UBR4: variants seen among roughly 807,000 people sequenced by gnomAD.
UBR4 encodes E3 ubiquitin-protein ligase UBR4.
Under a neutral mutation model 575.6 loss-of-function variants are expected in UBR4, and 124 were observed. That is an observed-to-expected ratio of 0.22 (90% CI 0.19 to 0.25). The LOEUF (loss-of-function observed/expected upper bound fraction) is 0.25. Ranked by LOEUF, UBR4 falls within the 10% of genes least tolerant of loss-of-function variation. The pLI is 1.00. For missense variants in UBR4, 4,818 were observed against 6,478.8 expected, an observed-to-expected ratio of 0.74 and a Z score of 8.80; for synonymous variants, 2,455 against 2,473.7, an observed-to-expected ratio of 0.99 and a Z score of 0.22.
intron 19 of UBR4, 93 bp from the exon 20 acceptor site, chr1:19,176,820 T>G: frequency 7.1e-7 from 1 of 1,403,740 alleles, no homozygotes; most frequent in Non-Finnish European, 9.7e-7. Flanking sequence ...CACTGAATCT[T>G]GGTAATCTGA....
chr1:19,124,507 C>T (rs1456999618), intron 65 of UBR4, 34 bp downstream of exon 65: 1 of 1,610,888 alleles, frequency 6.2e-7, no homozygotes, highest in Non-Finnish European at 8.5e-7. Flanking sequence ...GTGTCCTCAG[C>T]CCAACAAGCA....
intron 18 of UBR4, among the ~76,000 whole-genome samples, chr1:19,178,347 G>C (rs2090505835): frequency 6.6e-6 from 1 of 152,196 alleles, no homozygotes; most frequent in African/African-American, 2.4e-5. Flanking sequence ...TGGCTATTTG[G>C]AAAGAGATTT....
intron 1 of UBR4, among the ~76,000 whole-genome samples, chr1:19,206,551 G>C (rs892946703): frequency 6.6e-6 from 1 of 152,090 alleles, no homozygotes; most frequent in African/African-American, 2.4e-5. Flanking sequence ...AGCCAGGCTG[G>C]TCTCAAACTC....
At position 19,099,594 on chromosome 1, in the gene UBR4, T is replaced by C; in HGVS notation, c.13302+3A>G. Reference sequence around the variant, plus strand: ...ACCTCCAAACGAGAAAGCAGGCACATACCTCATTCGTGGTACACCAGACTT... The same window carrying C: ...ACCTCCAAACGAGAAAGCAGGCACACACCTCATTCGTGGTACACCAGACTT... On this transcript the variant is annotated splice_donor_region_variant and intron_variant, in intron 90 of 105. Coordinates refer to ENST00000375254, the MANE Select transcript of UBR4 (RefSeq NM_020765.3). 1 of 1,613,502 alleles carries C rather than the reference T, an allele frequency of 6.2e-7. No individual in the cohort carries two copies. Among genetic ancestry groups the C allele is most frequent in the Non-Finnish European group, 8.5e-7 (1 of 1,179,610 alleles).
rs2078431112 is a variant in UBR4 at position 19,099,771 on chromosome 1, T to C, written c.13222-94A>G. ...GGCACCTTACGGCAATGGTTGATAA[T>C]TCACAATTTTTATATGTCATGGACC... is the stretch of plus-strand genomic sequence containing the variant. On this transcript the variant is annotated intron_variant, in intron 89 of 105. Coordinates refer to ENST00000375254, the MANE Select transcript of UBR4 (RefSeq NM_020765.3). 7.5e-6 allele frequency: 8 copies of C among 1,065,366 alleles called. No homozygotes were observed. The East Asian group carries it at 2.0e-4, about 27-fold the overall frequency. 66.0% of individuals were successfully genotyped at this position (1,065,366 alleles called of 1,614,324 possible).
At position 19,074,579 on chromosome 1, in the gene UBR4, A is replaced by G. The variant is rs2075744986; in HGVS notation, c.*253T>C. 1 of 541,610 alleles carries G rather than the reference A, an allele frequency of 1.8e-6. No individual in the cohort carries two copies. Among genetic ancestry groups the G allele is most frequent in the Non-Finnish European group, 3.3e-6 (1 of 299,772 alleles). 33.6% of individuals were successfully genotyped at this position (541,610 alleles called of 1,614,324 possible). ...ACACTCAAGTATGAAGCTGGCCGGG[A>G]CAACTCATGGCTCCTAGGTATGTAC... On this transcript the variant is annotated 3_prime_UTR_variant, in exon 106 of 106. Transcript: ENST00000375254.
chr1:19,149,524 G>A (rs2085348387), intron 49 of UBR4, among the ~76,000 whole-genome samples: 1 of 152,158 alleles, frequency 6.6e-6, no homozygotes, highest in Non-Finnish European at 1.5e-5. Context: ...GAGAGGACTA[G>A]GGTAAGGAAG....
In UBR4 at chr1:19,110,537, A is replaced by C; in HGVS notation, c.11893-73T>G. On this transcript the variant is annotated intron_variant, in intron 79 of 105. Coordinates refer to ENST00000375254, the MANE Select transcript of UBR4 (RefSeq NM_020765.3). The surrounding 1 kb of genome is among the most constrained non-coding windows in gnomAD (Gnocchi z 4.5). ...CCAGCGACTCTTAACTATTAATACA[A>C]TTTCTGGTCCTAGGTGGCTCCAACA... 6.6e-7 allele frequency: 1 copy of C among 1,507,506 alleles called. No homozygotes were observed. Among genetic ancestry groups the C allele is most frequent in the Non-Finnish European group, 9.2e-7 (1 of 1,092,492 alleles). 93.4% of individuals were successfully genotyped at this position (1,507,506 alleles called of 1,614,324 possible). A position where few individuals can be genotyped will look rare whatever the true frequency, so the allele number is the denominator to read the frequency against.
In UBR4 at chr1:19,177,633, G is replaced by A. The variant is rs201374715; in HGVS notation, c.2465C>T (p.Thr822Ile). ...QMLLLIFHNF[T>I]ETGRRAILSL... ...CAATATGGCCCGCCGGCCTGTCTCGGTGAAATTGTGGAAAATGAGGAGGAG... is the reference window on the plus strand; with the variant it reads ...CAATATGGCCCGCCGGCCTGTCTCGATGAAATTGTGGAAAATGAGGAGGAG... Residue 822 changes from threonine (T) to isoleucine (I), a missense_variant, in exon 19 of 106, where the codon ACC becomes ATC. Around this residue, in one of 29 missense-constraint regions of UBR4, gnomAD observed 1,172 missense variants for 1,259.7 expected, o/e 0.93. Transcript: ENST00000375254. 1.2e-6 allele frequency: 2 copies of A among 1,614,090 alleles called. No homozygotes were observed. Among genetic ancestry groups the A allele is most frequent in the African/African-American group, 2.7e-5 (2 of 75,020 alleles).
chr1:19,178,939 T>C (rs2151080648), intron 18 of UBR4, 112 bp downstream of exon 18: 1 of 1,369,094 alleles, frequency 7.3e-7, no homozygotes, highest in Non-Finnish European at 1.0e-6. Context: ...CTCCCCACTC[T>C]AAACATTATC....
intron 71 of UBR4, 186 bp downstream of exon 71, chr1:19,118,686 T>C: frequency 1.6e-6 from 1 of 619,622 alleles, no homozygotes; most frequent in Non-Finnish European, 2.9e-6. Context: ...AACTCAGCAA[T>C]GACATTTTGA....
At position 19,074,753 on chromosome 1, in the gene UBR4, A is replaced by C; in HGVS notation, c.*79T>G. 1 of 1,502,656 alleles carries C rather than the reference A, an allele frequency of 6.7e-7. No individual in the cohort carries two copies. Among genetic ancestry groups the C allele is most frequent in the Non-Finnish European group, 9.2e-7 (1 of 1,088,154 alleles). The allele number at this position is 1,502,656 out of a possible 1,614,324, so 93.1% of individuals were successfully genotyped here. ...AACAATGCAGCATCCCGCGGAGGGA[A>C]CTTAATGCACAAGGAGGGAGAACAG... On this transcript the variant is annotated 3_prime_UTR_variant, in exon 106 of 106. Coordinates refer to ENST00000375254, the MANE Select transcript of UBR4 (RefSeq NM_020765.3).
Position 19,153,811 on chromosome 1 carries a change from G to C in UBR4, c.6587C>G (p.Thr2196Ser). 1.2e-6 allele frequency: 2 copies of C among 1,614,170 alleles called. No homozygotes were observed. The highest frequency in any genetic ancestry group is 1.7e-6 in the Non-Finnish European group (2 of 1,180,026). The change falls in exon 45 of 106, where the codon ACT becomes AGT. Residue 2196 changes from threonine (T) to serine (S), a missense_variant. Physicochemically the swap from Thr to Ser is moderately conservative, Grantham distance 58. Coordinates refer to ENST00000375254, the MANE Select transcript of UBR4 (RefSeq NM_020765.3). This position sits in a 1 kb window ranked among gnomAD's most constrained non-coding sequence, Gnocchi z 4.1. The part of the protein sequence containing the change: ...VPLVVMVKPD[T>S]FLIQEIKTLP... ...AGTCTTAATCTCCTGGATAAGAAAAGTGTCTGGTTTCACCATAACTACCAG... is the reference window on the plus strand; with the variant it reads ...AGTCTTAATCTCCTGGATAAGAAAACTGTCTGGTTTCACCATAACTACCAG...
intron 39 of UBR4, among the ~76,000 whole-genome samples, chr1:19,158,661 C>T (rs1252776683): frequency 6.6e-6 from 1 of 151,850 alleles, no homozygotes; most frequent in Non-Finnish European, 1.5e-5. Flanking sequence ...CAGGGTTTCA[C>T]CATGTTGCCC....
At position 19,122,952 on chromosome 1, in the gene UBR4, G is replaced by A. The variant is rs780766175; in HGVS notation, c.9697C>T (p.Leu3233=). 3.7e-6 allele frequency: 6 copies of A among 1,614,216 alleles called. No homozygotes were observed. The highest frequency in any genetic ancestry group is 5.1e-6 in the Non-Finnish European group (6 of 1,180,038). ...KYRQLRDLHT[L]DSHVRGIKKL... is the part of the protein sequence containing the mutation. Reference sequence around the variant, plus strand: ...TTGATCCCACGCACGTGAGAGTCCAGGGTGTGCAAATCCCGGAGCTGGCGG... The same window carrying A: ...TTGATCCCACGCACGTGAGAGTCCAAGGTGTGCAAATCCCGGAGCTGGCGG... Residue 3233 remains leucine (L), a synonymous_variant, in exon 66 of 106, where the codon CTG becomes TTG. Coordinates refer to ENST00000375254, the MANE Select transcript of UBR4 (RefSeq NM_020765.3).
At chr1:19,155,786 T>TA (rs1316696816) in intron 42 of UBR4, 118 bp from the exon 43 acceptor site, 13 of 836,464 alleles carry the variant, frequency 1.6e-5, no homozygotes, top group South Asian at 1.2e-4. Flanking sequence ...CTCCATTCAG[T>TA]AAAAAAATGG....
intron 25 of UBR4, among the ~76,000 whole-genome samples, chr1:19,172,285 G>A (rs1353530848): frequency 1.3e-5 from 2 of 152,056 alleles, no homozygotes; most frequent in Non-Finnish European, 2.9e-5. Flanking sequence ...GGGAGGCTGA[G>A]GTGGGTAGAT....
Position 19,120,358 on chromosome 1 carries a change from T to A in UBR4, c.10142-10A>T, listed in dbSNP as rs1168910290. 6.2e-7 allele frequency: 1 copy of A among 1,613,940 alleles called. No individual in the cohort carries two copies. The highest frequency in any genetic ancestry group is 1.1e-5 in the South Asian group (1 of 91,080). ...CTGCCAGAGGTCTCACCTGCAAGAT[T>A]AGGACAGGACTAAGGGCTGAAGAGT... On this transcript the variant is annotated splice_polypyrimidine_tract_variant and intron_variant, in intron 68 of 105. Coordinates refer to ENST00000375254, the MANE Select transcript of UBR4 (RefSeq NM_020765.3).
rs1210377000 is a variant in UBR4, at chr1:19,153,415, G to A, written c.6718C>T (p.Arg2240Cys). The A allele has an allele frequency of 1.2e-6, 2 of 1,614,140 alleles. No individual in the cohort carries two copies. Among genetic ancestry groups the A allele is most frequent in the Non-Finnish European group, 1.7e-6 (2 of 1,180,018 alleles). Residue 2240 changes from arginine (R) to cysteine (C), a missense_variant, in exon 46 of 106, where the codon CGC becomes TGC. By Grantham distance (180) the Arg-to-Cys change is radical. Around this residue, in one of 29 missense-constraint regions of UBR4, gnomAD observed 461 missense variants for 606.9 expected, o/e 0.76. Coordinates refer to ENST00000375254, the MANE Select transcript of UBR4 (RefSeq NM_020765.3). This position sits in a 1 kb window ranked among gnomAD's most constrained non-coding sequence, Gnocchi z 4.1. Reference sequence around the variant, plus strand: ...TTCTCCACGTTGGCCATGTAAATGCGCAGGCTGCCATCCTCACACAGCAGA... The same window carrying A: ...TTCTCCACGTTGGCCATGTAAATGCACAGGCTGCCATCCTCACACAGCAGA... ...MILLCEDGSL[R>C]IYMANVENTS...
Sources: gnomAD v4.1 joint callset for allele counts (sites outside exome capture counted in the v4.1 genomes callset) on GRCh38, gnomAD v4.1.1 for gene constraint, gnomAD v4.1.1 regional missense constraint, Gnocchi (gnomAD v3.1) non-coding constraint, MANE v1.5 for transcripts, NCBI Gene and HGNC (gene_info 2026-07-23, HGNC 2026-07-21) for gene names.